Variants in STPG2 observed in about 807,000 individuals in gnomAD.
The protein encoded by STPG2 is sperm tail PG-rich repeat containing 2, also known as sperm-tail PG-rich repeat-containing protein 2.
STPG2 carries 56 observed loss-of-function variants against 54.2 expected under a neutral mutation model. The ratio of observed to expected loss-of-function variants is 1.03; its 90% CI spans 0.83 to 1.29. STPG2 has a LOEUF of 1.29. Among genes scored for constraint, STPG2 ranks in the 50% most tolerant of loss-of-function variants. The probability of loss-of-function intolerance (pLI) is 0.00; values close to 1 mark genes in which losing one functional copy is unlikely to be tolerated. For missense variants in STPG2, 596 were observed against 544.9 expected (o/e 1.09, Z -0.93); for synonymous variants, 200 against 181.8 (o/e 1.10, Z -0.81).
At chr4:97,794,831 G>C (rs1461822470) in intron 9 of STPG2, among the ~76,000 whole-genome samples, 2 of 152,058 alleles carry the variant, frequency 1.3e-5, no homozygotes, top group Non-Finnish European at 1.5e-5. Context: ...TGCTTGAAAA[G>C]AATATTATAT....
chr4:97,905,790 G>A lies in STPG2; in HGVS notation c.1044+38107C>T, dbSNP rs145081992. 4.9e-4 allele frequency among the ~76,000 whole-genome samples: 75 copies of A among 152,112 alleles called. 1 individual carries two copies. The highest frequency in any genetic ancestry group is 2.0e-3 in the Admixed American group (31 of 15,278). On this transcript the variant is annotated intron_variant, in intron 8 of 10. Coordinates refer to ENST00000295268, the MANE Select transcript of STPG2 (RefSeq NM_174952.3). Reference sequence around the variant, plus strand: ...ACCAAGCAAATGGAAAATAAAAAAAGGCAGGAGTTGCAATTCTTTGAAACC... The same window carrying A: ...ACCAAGCAAATGGAAAATAAAAAAAAGCAGGAGTTGCAATTCTTTGAAACC...
At chr4:98,119,870 T>C (rs1389070727) in intron 3 of STPG2, among the ~76,000 whole-genome samples, 1 of 152,188 alleles carries the variant, frequency 6.6e-6, no homozygotes, top group Non-Finnish European at 1.5e-5. Context: ...TTGCTGAGGA[T>C]AATGGCTTCC....
chr4:97,601,790 T>C (rs1465161608), intron 10 of STPG2, among the ~76,000 whole-genome samples: 1 of 151,956 alleles, frequency 6.6e-6, no homozygotes, highest in Non-Finnish European at 1.5e-5. Flanking sequence ...GTGTGTTATA[T>C]ATTCTTTATA....
chr4:97,738,664 A>G (rs1188203228), intron 9 of STPG2, among the ~76,000 whole-genome samples: 3 of 152,194 alleles, frequency 2.0e-5, no homozygotes, highest in Admixed American at 6.5e-5. Flanking sequence ...AGAGCTAACT[A>G]TCCTAAATAT....
chr4:97,787,896 G>C (rs1578564238), intron 9 of STPG2, among the ~76,000 whole-genome samples: 2 of 150,874 alleles, frequency 1.3e-5, no homozygotes, highest in East Asian at 3.9e-4. Flanking sequence ...TTGACATATA[G>C]CTATTCCTAA....
intron 8 of STPG2, among the ~76,000 whole-genome samples, chr4:97,889,102 G>C (rs147283580): frequency 1.9e-3 from 294 of 152,200 alleles, no homozygotes; most frequent in African/African-American, 7.0e-3. Flanking sequence ...AAATTATCCA[G>C]TGTCAGGTAT....
rs528105099 is a variant in STPG2, at chr4:97,938,200, GA to G, written c.1044+5696del. ...CACAGCTGGTATGCTGCGCTGTGGG[GA>G]ATATCTCCTGGAACCAAGTAGTCCA... On this transcript the variant is annotated intron_variant, in intron 8 of 10. Transcript: ENST00000295268. 5.3e-5 allele frequency among the ~76,000 whole-genome samples: 8 copies of G among 152,260 alleles called. No homozygotes were observed. The South Asian group carries it at 1.7e-3, about 32-fold the overall frequency.
At chr4:97,812,624 T>G (rs1727776216) in intron 9 of STPG2, among the ~76,000 whole-genome samples, 1 of 152,148 alleles carries the variant, frequency 6.6e-6, no homozygotes, top group African/African-American at 2.4e-5. Context: ...TAGAACAAAA[T>G]ATACGTCTAG....
At chr4:97,546,809 C>T (rs1731843153) in intron 4 of STPG2, among the ~76,000 whole-genome samples, 1 of 152,140 alleles carries the variant, frequency 6.6e-6, no homozygotes, top group Non-Finnish European at 1.5e-5. Flanking sequence ...CTGCTAGATA[C>T]TGAAACTAAA....
At chr4:97,636,874 C>T (rs1033548172) in intron 10 of STPG2, among the ~76,000 whole-genome samples, 1 of 151,434 alleles carries the variant, frequency 6.6e-6, no homozygotes, top group Admixed American at 6.6e-5. Flanking sequence ...AAAAAGAGTC[C>T]AGGACCAGAT....
chr4:97,651,831 T>A (rs2148954029), intron 10 of STPG2, among the ~76,000 whole-genome samples: 1 of 152,090 alleles, frequency 6.6e-6, no homozygotes, highest in Non-Finnish European at 1.5e-5. Flanking sequence ...AAGTTCACAT[T>A]ATTTAAAAGA....
At chr4:97,796,336 CT>C (rs1727175767) in intron 9 of STPG2, among the ~76,000 whole-genome samples, 1 of 152,132 alleles carries the variant, frequency 6.6e-6, no homozygotes, top group African/African-American at 2.4e-5. Flanking sequence ...GGTTTTAGGT[CT>C]AACATTGAAG....
intron 3 of STPG2, among the ~76,000 whole-genome samples, chr4:98,117,968 T>C (rs1313176876): frequency 1.3e-5 from 2 of 151,724 alleles, no homozygotes; most frequent in African/African-American, 4.8e-5. Context: ...ATATGGGCCA[T>C]TTTTTTATTA....
At chr4:97,540,496 C>CA (rs1560651112) in intron 4 of STPG2, among the ~76,000 whole-genome samples, 3 of 151,812 alleles carry the variant, frequency 2.0e-5, no homozygotes, top group Admixed American at 6.6e-5. Flanking sequence ...GCTTACCAAC[C>CA]AAAAAAAGTC....
intron 5 of STPG2, among the ~76,000 whole-genome samples, chr4:98,036,969 T>C (rs1736798597): frequency 6.6e-6 from 1 of 152,070 alleles, no homozygotes; most frequent in Non-Finnish European, 1.5e-5. Context: ...TTATGCAAAC[T>C]AGAATTAGCA....
rs191912526 is a variant in STPG2 at position 97,516,833 on chromosome 4, T to C, written c.462+195866A>G. Reference sequence around the variant, plus strand: ...GCCTGGGAGACAGAGCAAGACTCCATCTCAACAACAACAACAATATATATA... The same window carrying C: ...GCCTGGGAGACAGAGCAAGACTCCACCTCAACAACAACAACAATATATATA... On this transcript the variant is annotated intron_variant, in intron 4 of 4. Transcript: ENST00000522676. 3.8e-5 allele frequency among the ~76,000 whole-genome samples: 5 copies of C among 131,408 alleles called. No individual in the cohort carries two copies. The East Asian group carries it at 1.1e-3, about 29-fold the overall frequency. The allele number at this position is 131,408 out of a possible 152,430, so 86.2% of individuals were successfully genotyped here.
chr4:97,445,953 T>G (rs1017143296), intron 4 of STPG2, among the ~76,000 whole-genome samples: 4 of 152,226 alleles, frequency 2.6e-5, no homozygotes, highest in African/African-American at 9.6e-5. Context: ...AAATCCAGTC[T>G]TATCTTACAA....
At chr4:97,456,322 G>T (rs2148803194) in intron 4 of STPG2, among the ~76,000 whole-genome samples, 1 of 152,094 alleles carries the variant, frequency 6.6e-6, no homozygotes, top group East Asian at 2.0e-4. Flanking sequence ...TGGCCAGCAG[G>T]AAGGGGAGAG....
intron 8 of STPG2, among the ~76,000 whole-genome samples, chr4:97,892,446 C>T (rs1406561940): frequency 6.6e-6 from 1 of 152,000 alleles, no homozygotes; most frequent in Non-Finnish European, 1.5e-5. Context: ...CCTATATGGC[C>T]CAGGAAAGAG....
Sources: allele counts gnomAD v4.1 joint callset (sites outside exome capture counted in the v4.1 genomes callset), GRCh38; gene constraint gnomAD v4.1.1; transcripts MANE v1.5; gene names NCBI Gene and HGNC (gene_info 2026-07-23, HGNC 2026-07-21).